IQCH: variants seen among roughly 807,000 people sequenced by gnomAD.
The protein encoded by IQCH is IQ motif containing H.
A neutral mutation model predicts 117.0 loss-of-function variants in IQCH; 98 were observed. That is an observed-to-expected ratio of 0.84 (90% confidence interval 0.71 to 0.99). IQCH has a LOEUF of 0.99. IQCH is among the 50% of genes least tolerant of loss of function. The pLI is 0.00. For synonymous variants in IQCH, 412 were observed against 448.2 expected (o/e 0.92, Z 1.02); for missense variants, 1,102 against 1,243.8 (o/e 0.89, Z 1.72).
chr15:67,418,074 AT>A (rs2081621231), intron 15 of IQCH, among the ~76,000 whole-genome samples: 1 of 152,080 alleles, frequency 6.6e-6, no homozygotes, highest in African/African-American at 2.4e-5. Flanking sequence ...TATCACCCTC[AT>A]TTTATAGAGG....
chr15:67,492,452 A>G (rs1258808268), intron 19 of IQCH, among the ~76,000 whole-genome samples: 2 of 152,200 alleles, frequency 1.3e-5, no homozygotes, highest in Non-Finnish European at 2.9e-5. Flanking sequence ...CAGACAGGCC[A>G]AACACTGGAC....
chr15:67,489,670 T>C (rs1407302174), intron 18 of IQCH, among the ~76,000 whole-genome samples: 3 of 151,980 alleles, frequency 2.0e-5, no homozygotes, highest in Non-Finnish European at 4.4e-5. Context: ...CATATTTTGA[T>C]GTACACAAGA....
In IQCH at chr15:67,336,984, T is replaced by G; in HGVS notation, c.397T>G (p.Ser133Ala). ...ATTTTTTATTATCTAGATAAAGGTT[T>G]CGAAGTTAATCAAAGGGTCTAACAT... ...PVFPRAKIKVSKLIKGSNISS... is the reference protein window; with the variant it reads ...PVFPRAKIKVAKLIKGSNISS... The change falls in exon 5 of 21, where the codon TCG becomes GCG. Residue 133 changes from serine to alanine, a missense_variant. By Grantham distance (99) the Ser-to-Ala change is moderately conservative. Around this residue, in one of 2 missense-constraint regions of IQCH, gnomAD observed 452 missense variants for 449.6 expected, o/e 1.01. Transcript: ENST00000335894. The G allele has an allele frequency of 6.2e-7, 1 of 1,613,550 alleles. No homozygotes were observed. Among genetic ancestry groups the G allele is most frequent in the Non-Finnish European group, 8.5e-7 (1 of 1,179,720 alleles).
chr15:67,359,887 T>C lies in IQCH; in HGVS notation c.753+2T>C, dbSNP rs1191233980. 1.2e-6 allele frequency: 2 copies of C among 1,611,954 alleles called. No individual in the cohort carries two copies. Among genetic ancestry groups the C allele is most frequent in the Non-Finnish European group, 1.7e-6 (2 of 1,178,150 alleles). ...TCAAGAGGACATCATGATAGGAAGG[T>C]CTGTAATTTGTGTGACTAGTTGAAA... On this transcript the variant is annotated splice_donor_variant, in intron 8 of 20. Transcript: ENST00000335894. LOFTEE classifies it high-confidence loss of function. This position sits in a 1 kb window ranked among gnomAD's most constrained non-coding sequence, Gnocchi z 4.5.
intron 4 of IQCH, among the ~76,000 whole-genome samples, chr15:67,280,163 A>T (rs1485355458): frequency 6.6e-6 from 1 of 152,274 alleles, no homozygotes; most frequent in Non-Finnish European, 1.5e-5. Context: ...TTCATTTTAT[A>T]GTTGTTTCAG....
rs1027729719 is a variant in IQCH, at chr15:67,481,483, G to T, written c.2799+5665G>T. Among the ~76,000 whole-genome samples, 4 of 152,128 alleles carry T rather than the reference G, an allele frequency of 2.6e-5. No homozygotes were observed. Among genetic ancestry groups the T allele is most frequent in the Non-Finnish European group, 5.9e-5 (4 of 68,022 alleles). On this transcript the variant is annotated intron_variant, in intron 18 of 20. Transcript: ENST00000335894. This position sits in a 1 kb window ranked among gnomAD's most constrained non-coding sequence, Gnocchi z 4.1. ...CCATGGTTCAGTTACCTCCCACTGC[G>T]TTCCTCCCATGACACGTGGGGATTA...
In IQCH at chr15:67,496,699, A is replaced by T. The variant is rs1421274095; in HGVS notation, c.2970+2333A>T. Among the ~76,000 whole-genome samples the T allele has an allele frequency of 6.6e-6, 1 of 152,110 alleles. No individual in the cohort carries two copies. The highest frequency in any genetic ancestry group is 1.5e-5 in the Non-Finnish European group (1 of 68,008). On this transcript the variant is annotated intron_variant, in intron 20 of 20. Transcript: ENST00000335894. The surrounding 1 kb of genome is among the most constrained non-coding windows in gnomAD (Gnocchi z 4.4). ...ATCTCTACTAAGAAGAAGAAGAAGGAGAAGGAGAAAAGAAGAAGAAATAAA... is the reference window on the plus strand; with the variant it reads ...ATCTCTACTAAGAAGAAGAAGAAGGTGAAGGAGAAAAGAAGAAGAAATAAA...
intron 7 of IQCH, among the ~76,000 whole-genome samples, chr15:67,358,756 G>C (rs1379476460): frequency 6.6e-6 from 1 of 152,190 alleles, no homozygotes; most frequent in Non-Finnish European, 1.5e-5. Context: ...TTGAAGAGCG[G>C]AACAAGAGAA....
intron 4 of IQCH, among the ~76,000 whole-genome samples, chr15:67,305,723 C>T (rs1967262119): frequency 6.6e-6 from 1 of 151,996 alleles, no homozygotes; most frequent in Non-Finnish European, 1.5e-5. Flanking sequence ...CTGATGAGTA[C>T]TGGAGTTTTA....
rs545021985 is a variant in IQCH at position 67,360,047 on chromosome 15, A to G, written c.753+162A>G. The G allele has an allele frequency of 2.7e-5, 16 of 596,202 alleles. No individual in the cohort carries two copies. In the East Asian group the frequency reaches 4.4e-4, roughly 16 times the overall value. 36.9% of individuals were successfully genotyped at this position (596,202 alleles called of 1,614,324 possible). ...AATTAGATCATGGTTTCAGGAAAAA[A>G]AAAAAAACATGGTTCATTTAAAGTG... On this transcript the variant is annotated intron_variant, in intron 8 of 20. Coordinates refer to ENST00000335894, the MANE Select transcript of IQCH (RefSeq NM_001031715.3).
intron 14 of IQCH, among the ~76,000 whole-genome samples, chr15:67,402,484 C>A (rs1971702224): frequency 6.6e-6 from 1 of 152,090 alleles, no homozygotes; most frequent in Non-Finnish European, 1.5e-5. Flanking sequence ...TCCAGAAGAC[C>A]ATCGTAATGG....
rs184474917 is a variant in IQCH at position 67,457,164 on chromosome 15, T to C, written c.2506-7963T>C. On this transcript the variant is annotated intron_variant, in intron 16 of 20. Coordinates refer to ENST00000335894, the MANE Select transcript of IQCH (RefSeq NM_001031715.3). This position sits in a 1 kb window ranked among gnomAD's most constrained non-coding sequence, Gnocchi z 5.7. ...AAGCGGCTGCTCTCCCCTCTGCCTA[T>C]TGATTTAGGCAGAGGGCCTATTGCA... Among the ~76,000 whole-genome samples, 180 of 152,310 alleles carry C rather than the reference T, an allele frequency of 1.2e-3. No individual in the cohort carries two copies. Among genetic ancestry groups the C allele is most frequent in the Non-Finnish European group, 2.0e-3 (136 of 68,014 alleles).
rs1041604938 is a variant in IQCH, at chr15:67,494,846, T to C, written c.2970+480T>C. ...AAATATAGCATGTATGTGGGCCATC[T>C]ACCCCACCCGTTTCTCCACCGTGGG... On this transcript the variant is annotated intron_variant, in intron 20 of 20. Coordinates refer to ENST00000335894, the MANE Select transcript of IQCH (RefSeq NM_001031715.3). This position sits in a 1 kb window ranked among gnomAD's most constrained non-coding sequence, Gnocchi z 5.5. 6.6e-6 allele frequency among the ~76,000 whole-genome samples: 1 copy of C among 152,206 alleles called. No homozygotes were observed. Among genetic ancestry groups the C allele is most frequent in the Non-Finnish European group, 1.5e-5 (1 of 68,034 alleles).
At chr15:67,256,640 C>T (rs1377740358) in intron 1 of IQCH, among the ~76,000 whole-genome samples, 1 of 152,196 alleles carries the variant, frequency 6.6e-6, no homozygotes, top group Non-Finnish European at 1.5e-5. Flanking sequence ...CACATACCCA[C>T]TCTTTTTATA....
chr15:67,465,199 A>G lies in IQCH; in HGVS notation c.2578A>G (p.Asn860Asp). 3.1e-6 allele frequency: 5 copies of G among 1,614,174 alleles called. No homozygotes were observed. The highest frequency in any genetic ancestry group is 4.2e-6 in the Non-Finnish European group (5 of 1,180,022). The change falls in exon 17 of 21, where the codon AAC becomes GAC. Residue 860 changes from asparagine to aspartate, a missense_variant. Coordinates refer to ENST00000335894, the MANE Select transcript of IQCH (RefSeq NM_001031715.3). The surrounding 1 kb of genome is among the most constrained non-coding windows in gnomAD (Gnocchi z 5.9). ...ALTQLTLYLT[N>D]GHLDCSLSTL... is the part of the protein sequence containing the mutation. ...GACTCAACTCACCTTATACCTGACA[A>G]ACGGCCATCTGGATTGCAGTTTGAG...
chr15:67,422,676 A>G lies in IQCH; in HGVS notation c.2505+1099A>G, dbSNP rs1025088089. On this transcript the variant is annotated intron_variant, in intron 16 of 20. Coordinates refer to ENST00000335894, the MANE Select transcript of IQCH (RefSeq NM_001031715.3). This position sits in a 1 kb window ranked among gnomAD's most constrained non-coding sequence, Gnocchi z 4.7. ...TTATTTTACTGTATGCTTTTGTTTA[A>G]TATTCCATTTGTGAGATTCTTCATG... Among the ~76,000 whole-genome samples the G allele has an allele frequency of 2.6e-5, 4 of 152,198 alleles. No homozygotes were observed. The highest frequency in any genetic ancestry group is 1.3e-4 in the Admixed American group (2 of 15,274).
chr15:67,375,896 C>G (rs953940814), intron 10 of IQCH, among the ~76,000 whole-genome samples: 2 of 151,260 alleles, frequency 1.3e-5, no homozygotes, highest in Admixed American at 6.6e-5. Flanking sequence ...AAGCAATTCT[C>G]CTGCCTCAGC....
chr15:67,351,925 C>T (rs34221449), intron 6 of IQCH, among the ~76,000 whole-genome samples: 31,978 of 151,954 alleles, frequency 0.21, 4,106 homozygotes, highest in East Asian at 0.48. Flanking sequence ...TTCTGACCAT[C>T]GTTATCCATT....
At chr15:67,306,725 C>A (rs1456307073) in intron 4 of IQCH, 3 of 829,668 alleles carry the variant, frequency 3.6e-6, no homozygotes, top group African/African-American at 3.4e-5. Context: ...TATGTAAAAT[C>A]AATTTACCAA....
Sources: allele counts gnomAD v4.1 joint callset (sites outside exome capture counted in the v4.1 genomes callset), GRCh38; gene constraint gnomAD v4.1.1; regional missense constraint gnomAD v4.1.1; non-coding constraint Gnocchi (gnomAD v3.1); transcripts MANE v1.5; gene names NCBI Gene and HGNC (gene_info 2026-07-23, HGNC 2026-07-21).